TIPRL: variants seen among roughly 807,000 people sequenced by gnomAD.
TIPRL encodes TOR signaling pathway regulator.
TIPRL carries 10 observed loss-of-function variants against 32.3 expected under a neutral mutation model. The observed-to-expected ratio is 0.31, with a 90% confidence interval of 0.19 to 0.52. TIPRL has a LOEUF of 0.52. Among genes scored for constraint, TIPRL ranks in the 20% least tolerant of loss-of-function variants. TIPRL has a pLI of 0.96. For synonymous variants in TIPRL, 100 were observed against 114.0 expected, an observed-to-expected ratio of 0.88 and a Z score of 0.78; for missense variants, 250 against 328.1, an observed-to-expected ratio of 0.76 and a Z score of 1.84.
chr1:168,183,887 T>C lies in TIPRL; in HGVS notation c.105-15T>C, dbSNP rs1473678904. 2 of 1,592,852 alleles carry C rather than the reference T, an allele frequency of 1.3e-6. No homozygotes were observed. Among genetic ancestry groups the C allele is most frequent in the Non-Finnish European group, 1.7e-6 (2 of 1,164,046 alleles). Reference sequence around the variant, plus strand: ...CGATATAAAATTATCTCACCCGACTTTTGGTTACGTATAGATTAGCCGATG... The same window carrying C: ...CGATATAAAATTATCTCACCCGACTCTTGGTTACGTATAGATTAGCCGATG... On this transcript the variant is annotated splice_polypyrimidine_tract_variant and intron_variant, in intron 1 of 6. Transcript: ENST00000367833.
rs557623120 is a variant in TIPRL, at chr1:168,201,869, T to G, written c.*1823T>G. On this transcript the variant is annotated 3_prime_UTR_variant, in exon 7 of 7. Coordinates refer to ENST00000367833, the MANE Select transcript of TIPRL (RefSeq NM_152902.5). ...TCTTGGTCCCTGAATAGTCCTAGAT[T>G]ACTTATTTTGAGAATTCATTGTTAA... 1 of 151,614 alleles carries G rather than the reference T, an allele frequency of 6.6e-6. No individual in the cohort carries two copies. The highest frequency in any genetic ancestry group is 1.9e-4 in the East Asian group (1 of 5,160). 9.4% of individuals were successfully genotyped at this position (151,614 alleles called of 1,614,324 possible). A position where few individuals can be genotyped will look rare whatever the true frequency, so the allele number is the denominator to read the frequency against.
chr1:168,191,694 A>C (rs1430982766), intron 4 of TIPRL, among the ~76,000 whole-genome samples, 194 bp downstream of exon 4: 1 of 151,874 alleles, frequency 6.6e-6, no homozygotes, highest in Non-Finnish European at 1.5e-5. Flanking sequence ...AACACAGTGA[A>C]ACCCCGTCTC....
intron 4 of TIPRL, among the ~76,000 whole-genome samples, chr1:168,194,318 A>G (rs535111829): frequency 3.9e-5 from 6 of 152,230 alleles, no homozygotes; most frequent in Admixed American, 3.9e-4. Context: ...AACTGTTGAT[A>G]TTGGTTGCTT....
chr1:168,179,280 CG>C, intron 1 of TIPRL, 99 bp downstream of exon 1: 1 of 1,043,796 alleles, frequency 9.6e-7, no homozygotes, highest in Non-Finnish European at 1.4e-6. Context: ...TTCCCTGAGG[CG>C]GAGGTTCGGT....
At chr1:168,198,124 A>G (rs1700176850) in intron 5 of TIPRL, among the ~76,000 whole-genome samples, 1 of 152,176 alleles carries the variant, frequency 6.6e-6, no homozygotes, top group Admixed American at 6.5e-5. Flanking sequence ...TATTCATTTC[A>G]GTGTTGAACT....
chr1:168,179,948 T>A (rs1699939960), intron 1 of TIPRL, among the ~76,000 whole-genome samples: 1 of 152,030 alleles, frequency 6.6e-6, no homozygotes, highest in Non-Finnish European at 1.5e-5. Flanking sequence ...GAGCGTGAGG[T>A]ACCATAGGGG....
chr1:168,189,448 C>T (rs1159154374), intron 3 of TIPRL, among the ~76,000 whole-genome samples: 1 of 152,140 alleles, frequency 6.6e-6, no homozygotes, highest in Admixed American at 6.5e-5. Context: ...CGGGTTCAAG[C>T]GATTCTCCTG....
rs114618947 is a variant in TIPRL, at chr1:168,186,302, C to T, written c.384+1424C>T. On this transcript the variant is annotated intron_variant, in intron 3 of 6. Transcript: ENST00000367833. ...CTTGAGGTCAGGAGTTCGAGACCAGCTTGGCCAACATAGTGAGACCGCACC... is the reference window on the plus strand; with the variant it reads ...CTTGAGGTCAGGAGTTCGAGACCAGTTTGGCCAACATAGTGAGACCGCACC... Among the ~76,000 whole-genome samples, 1,229 of 151,922 alleles carry T rather than the reference C, an allele frequency of 8.1e-3. 16 individuals carry two copies. The highest frequency in any genetic ancestry group is 0.027 in the South Asian group (130 of 4,816).
In TIPRL at chr1:168,184,970, A is replaced by AT. The variant is rs1322731841; in HGVS notation, c.384+97dup. On this transcript the variant is annotated intron_variant, in intron 3 of 6. Transcript: ENST00000367833. ...TAGTAACGGGTTATTTTTTGCAACT[A>AT]TTTTTATCGTCCTTGTTTTCTGTTG... The AT allele has an allele frequency of 4.1e-6, 3 of 737,028 alleles. No homozygotes were observed. In the Admixed American group the frequency reaches 8.9e-5, roughly 22 times the overall value. The allele number at this position is 737,028 out of a possible 1,614,324, so 45.7% of individuals were successfully genotyped here.
Position 168,183,935 on chromosome 1 carries a change from T to C in TIPRL, c.138T>C (p.Pro46=), listed in dbSNP as rs780368474. The change falls in exon 2 of 7, where the codon CCT becomes CCC. Residue 46 remains proline, a synonymous_variant. Transcript: ENST00000367833. The part of the protein sequence containing the change: ...LADELHMPSL[P]EMMFGDNVLR... Reference sequence around the variant, plus strand: ...ATGAATTACATATGCCATCTCTCCCTGAAATGATGTTTGGAGACAACGTTT... The same window carrying C: ...ATGAATTACATATGCCATCTCTCCCCGAAATGATGTTTGGAGACAACGTTT... 21 of 1,613,956 alleles carry C rather than the reference T, an allele frequency of 1.3e-5. No homozygotes were observed. The South Asian group carries it at 1.6e-4, about 13-fold the overall frequency.
Position 168,179,321 on chromosome 1 carries a change from T to A in TIPRL, c.104+140T>A, listed in dbSNP as rs551686151. On this transcript the variant is annotated intron_variant, in intron 1 of 6. Coordinates refer to ENST00000367833, the MANE Select transcript of TIPRL (RefSeq NM_152902.5). ...CCGGACCGGACCTTTGATTGACAACTTCGATAAATAATCCAGTCACACTTC... is the reference window on the plus strand; with the variant it reads ...CCGGACCGGACCTTTGATTGACAACATCGATAAATAATCCAGTCACACTTC... 3 of 670,742 alleles carry A rather than the reference T, an allele frequency of 4.5e-6. No homozygotes were observed. The African/African-American group carries it at 5.5e-5, about 12-fold the overall frequency. The allele number at this position is 670,742 out of a possible 1,614,324, so 41.5% of individuals were successfully genotyped here. A position where few individuals can be genotyped will look rare whatever the true frequency, so the allele number is the denominator to read the frequency against.
chr1:168,194,259 T>C (rs1319992549), intron 4 of TIPRL, among the ~76,000 whole-genome samples: 1 of 152,224 alleles, frequency 6.6e-6, no homozygotes, highest in Non-Finnish European at 1.5e-5. Context: ...CTTTGTTGTA[T>C]AGGATTGTCC....
At chr1:168,195,562 G>A (rs561096401) in intron 4 of TIPRL, among the ~76,000 whole-genome samples, 23 of 152,222 alleles carry the variant, frequency 1.5e-4, no homozygotes, top group Admixed American at 9.8e-4. Flanking sequence ...AAATGGCCAA[G>A]CATATTCATT....
At chr1:168,196,706 C>G in intron 5 of TIPRL, 64 bp downstream of exon 5, 2 of 1,149,206 alleles carry the variant, frequency 1.7e-6, no homozygotes, top group South Asian at 3.5e-5. Context: ...GTTTAATTGT[C>G]AATCTGAGAA....
At chr1:168,183,233 A>C (rs1157539287) in intron 1 of TIPRL, among the ~76,000 whole-genome samples, 1 of 152,098 alleles carries the variant, frequency 6.6e-6, no homozygotes, top group African/African-American at 2.4e-5. Context: ...CATTCAGAGT[A>C]TTTCTTTTTC....
At chr1:168,184,422 C>A (rs1700003672) in intron 2 of TIPRL, among the ~76,000 whole-genome samples, 1 of 152,100 alleles carries the variant, frequency 6.6e-6, no homozygotes, top group African/African-American at 2.4e-5. Flanking sequence ...TTAATAAATA[C>A]CCTATTTGAG....
chr1:168,183,821 A>G (rs1699995557), intron 1 of TIPRL, 81 bp from the exon 2 acceptor site: 1 of 1,422,132 alleles, frequency 7.0e-7, no homozygotes. Context: ...GCAAGTAGGA[A>G]GAATTCTGTT....
chr1:168,196,222 T>C (rs1439567445), intron 4 of TIPRL, among the ~76,000 whole-genome samples: 1 of 152,230 alleles, frequency 6.6e-6, no homozygotes, highest in African/African-American at 2.4e-5. Flanking sequence ...TGACATTTAC[T>C]ATCAGTACCT....
chr1:168,188,156 A>G (rs186885071), intron 3 of TIPRL, among the ~76,000 whole-genome samples: 98 of 152,294 alleles, frequency 6.4e-4, no homozygotes, highest in Non-Finnish European at 7.6e-4. Context: ...AATAATTTCA[A>G]TCACCTCTGG....
Sources: allele counts gnomAD v4.1 joint callset (sites outside exome capture counted in the v4.1 genomes callset), GRCh38; gene constraint gnomAD v4.1.1; transcripts MANE v1.5; gene names NCBI Gene and HGNC (gene_info 2026-07-23, HGNC 2026-07-21).